IL1RAPL2: variants seen among roughly 807,000 people sequenced by gnomAD.
IL1RAPL2 encodes interleukin 1 receptor accessory protein like 2.
Under a neutral mutation model 44.1 loss-of-function variants are expected in IL1RAPL2, and 3 were observed. That is an observed-to-expected ratio of 0.07 (90% CI 0.03 to 0.18). IL1RAPL2 has a LOEUF of 0.18. Among genes scored for constraint, IL1RAPL2 ranks in the 10% least tolerant of loss-of-function variants. The pLI, the probability that IL1RAPL2 is intolerant of heterozygous loss-of-function variation, is 1.00. For synonymous variants in IL1RAPL2, 181 were observed against 178.8 expected (o/e 1.01, Z -0.10); for missense variants, 391 against 496.4 (o/e 0.79, Z 2.02).
chrX:104,602,255 A>G (rs974767212), intron 1 of IL1RAPL2, among the ~76,000 whole-genome samples: 19 of 111,371 alleles, frequency 1.7e-4, no homozygotes, highest in Non-Finnish European at 3.2e-4. Context: ...CCCCTACCCA[A>G]GGGAAGCCGT....
Position 105,767,229 on chromosome X carries a change from A to C in IL1RAPL2, c.1629A>C (p.Lys543Asn). ...LIKWKGSKSS[K>N]LNSKFWKHLV... ...AGTGGAAGGGATCCAAAAGCAGCAAATTAAATTCTAAGTTTTGGAAGCACT... is the reference window on the plus strand; with the variant it reads ...AGTGGAAGGGATCCAAAAGCAGCAACTTAAATTCTAAGTTTTGGAAGCACT... Residue 543 changes from lysine (K) to asparagine (N), a missense_variant, in exon 11 of 11, where the codon AAA becomes AAC. Around this residue, in one of 2 missense-constraint regions of IL1RAPL2, gnomAD observed 232 missense variants for 244.8 expected, o/e 0.95. Coordinates refer to ENST00000372582, the MANE Select transcript of IL1RAPL2 (RefSeq NM_017416.2). The C allele has an allele frequency of 8.3e-7, 1 of 1,211,812 alleles. No homozygotes were observed. The highest frequency in any genetic ancestry group is 1.1e-6 in the Non-Finnish European group (1 of 895,406).
At chrX:105,143,936 A>T (rs745971042) in intron 2 of IL1RAPL2, among the ~76,000 whole-genome samples, 7 of 110,149 alleles carry the variant, frequency 6.4e-5, no homozygotes, top group Non-Finnish European at 1.1e-4. Flanking sequence ...ACATGTATAT[A>T]TATGGAACAA....
chrX:105,733,413 T>C (rs968515594), intron 7 of IL1RAPL2, among the ~76,000 whole-genome samples: 4 of 111,391 alleles, frequency 3.6e-5, no homozygotes, highest in Non-Finnish European at 7.5e-5. Flanking sequence ...TGGTGTCTGT[T>C]AATAATTTTA....
At chrX:105,194,486 C>A (rs146167865) in intron 2 of IL1RAPL2, among the ~76,000 whole-genome samples, 1,446 of 111,686 alleles carry the variant, frequency 0.013, 28 homozygotes, top group African/African-American at 0.045. Flanking sequence ...CCAGCATATG[C>A]GATTGGCCAC....
At chrX:105,503,934 C>T (rs765252871) in intron 6 of IL1RAPL2, among the ~76,000 whole-genome samples, 61 of 111,226 alleles carry the variant, frequency 5.5e-4, no homozygotes, top group Non-Finnish European at 7.5e-5. Context: ...GATTATAGGG[C>T]TCACCCTAAT....
intron 8 of IL1RAPL2, among the ~76,000 whole-genome samples, chrX:105,747,913 G>T (rs1478765873): frequency 2.7e-5 from 3 of 110,708 alleles, no homozygotes; most frequent in African/African-American, 9.9e-5. Flanking sequence ...ATGTAATTAC[G>T]TTAAAGGGAG....
At chrX:105,579,650 G>A (rs1480094796) in intron 6 of IL1RAPL2, among the ~76,000 whole-genome samples, 2 of 111,181 alleles carry the variant, frequency 1.8e-5, no homozygotes, top group Non-Finnish European at 3.8e-5. Context: ...CAAGAAATCT[G>A]TGCAATAGGT....
chrX:104,663,800 G>T (rs766267126), intron 2 of IL1RAPL2, among the ~76,000 whole-genome samples: 9 of 105,309 alleles, frequency 8.5e-5, no homozygotes, highest in Non-Finnish European at 1.7e-4. Flanking sequence ...ATATCGGTCA[G>T]AAAGAATGTG....
chrX:105,158,369 G>GA (rs1206966181), intron 2 of IL1RAPL2, among the ~76,000 whole-genome samples: 1 of 109,731 alleles, frequency 9.1e-6, no homozygotes, highest in Non-Finnish European at 1.9e-5. Context: ...AAAAAAAAAA[G>GA]AAAAAATCTA....
intron 5 of IL1RAPL2, among the ~76,000 whole-genome samples, chrX:105,379,991 A>C (rs2035417693): frequency 8.9e-6 from 1 of 111,743 alleles, no homozygotes; most frequent in African/African-American, 3.2e-5. Context: ...TGAAGGTAAT[A>C]ATGAGAATCT....
At chrX:105,402,176 T>C (rs905994746) in intron 5 of IL1RAPL2, among the ~76,000 whole-genome samples, 2 of 111,523 alleles carry the variant, frequency 1.8e-5, no homozygotes, top group African/African-American at 6.5e-5. Context: ...TTTAAAATCT[T>C]CAGTTATTTC....
chrX:104,808,296 A>G (rs1232684819), intron 2 of IL1RAPL2, among the ~76,000 whole-genome samples: 1 of 111,608 alleles, frequency 9.0e-6, no homozygotes, highest in Non-Finnish European at 1.9e-5. Flanking sequence ...CCATTTTTTC[A>G]TATTATCATA....
intron 6 of IL1RAPL2, among the ~76,000 whole-genome samples, chrX:105,675,192 A>G (rs915761045): frequency 9.0e-6 from 1 of 111,456 alleles, no homozygotes; most frequent in Admixed American, 9.6e-5. Context: ...AACTTACAAT[A>G]CTATGTTGAA....
chrX:104,781,069 A>ATT (rs3081258), intron 2 of IL1RAPL2, among the ~76,000 whole-genome samples: 36,793 of 104,293 alleles, frequency 0.35, 5,467 homozygotes, highest in East Asian at 0.45. Flanking sequence ...ACTTAGTTTT[A>ATT]TTTTTTTTTT....
chrX:104,775,699 A>G (rs1569312468), intron 2 of IL1RAPL2, among the ~76,000 whole-genome samples: 1 of 111,965 alleles, frequency 8.9e-6, no homozygotes, highest in Non-Finnish European at 1.9e-5. Flanking sequence ...AATTCAATTT[A>G]CAATTAGCAA....
At chrX:105,313,856 AAC>A (rs974909131) in intron 5 of IL1RAPL2, among the ~76,000 whole-genome samples, 2 of 111,286 alleles carry the variant, frequency 1.8e-5, no homozygotes, top group South Asian at 3.8e-4. Context: ...GGGGTGGGGA[AAC>A]ACAGAGCTCA....
At chrX:104,596,344 G>A (rs1435952832) in intron 1 of IL1RAPL2, among the ~76,000 whole-genome samples, 1 of 111,436 alleles carries the variant, frequency 9.0e-6, no homozygotes, top group African/African-American at 3.3e-5. Flanking sequence ...GGAAGGAAAT[G>A]CTAAATTTCA....
intron 5 of IL1RAPL2, among the ~76,000 whole-genome samples, chrX:105,368,394 T>G (rs1440151956): frequency 9.0e-6 from 1 of 111,630 alleles, no homozygotes; most frequent in Non-Finnish European, 1.9e-5. Context: ...TAAACTTACT[T>G]TCTTCATAAA....
At chrX:105,347,740 G>GGTTA (rs1027463536) in intron 5 of IL1RAPL2, among the ~76,000 whole-genome samples, 33 of 110,843 alleles carry the variant, frequency 3.0e-4, no homozygotes, top group Non-Finnish European at 3.2e-4. Context: ...AGTGGGAAGA[G>GGTTA]GTTAGCCTGT....
Sources: allele counts gnomAD v4.1 joint callset (sites outside exome capture counted in the v4.1 genomes callset), GRCh38; gene constraint gnomAD v4.1.1; regional missense constraint gnomAD v4.1.1; transcripts MANE v1.5; gene names NCBI Gene and HGNC (gene_info 2026-07-23, HGNC 2026-07-21).